HDAC9: variants seen among roughly 807,000 people sequenced by gnomAD.
HDAC9 encodes histone deacetylase 9.
In HDAC9, 41 loss-of-function variants were observed where a neutral mutation model predicts 139.4. The observed-to-expected ratio is 0.29, with a 90% CI of 0.23 to 0.38. The LOEUF is 0.38. HDAC9 is among the 10% of genes least tolerant of loss of function. The probability of loss-of-function intolerance (pLI) is 1.00; values close to 1 mark genes in which losing one functional copy is unlikely to be tolerated. For synonymous variants in HDAC9, 517 were observed against 476.2 expected (o/e 1.09, Z -1.12); for missense variants, 1,147 against 1,297.0 (o/e 0.88, Z 1.78).
intron 2 of HDAC9, among the ~76,000 whole-genome samples, chr7:18,546,177 T>C (rs1240010924): frequency 6.6e-6 from 1 of 152,190 alleles, no homozygotes; most frequent in African/African-American, 2.4e-5. Flanking sequence ...TGGAAAGAGA[T>C]GTTCTTTTTA....
chr7:18,165,584 C>T (rs1211020648), intron 2 of HDAC9, among the ~76,000 whole-genome samples: 1 of 151,900 alleles, frequency 6.6e-6, no homozygotes. Context: ...CCCCGGGGTT[C>T]GAGACTAGCC....
At chr7:18,750,406 C>CGTGT (rs1554345306) in intron 14 of HDAC9, among the ~76,000 whole-genome samples, 1 of 151,762 alleles carries the variant, frequency 6.6e-6, no homozygotes, top group East Asian at 1.9e-4. Flanking sequence ...ACCACAACAC[C>CGTGT]ATGTACAGAT....
At chr7:18,966,597 A>G (rs189480713) in intron 24 of HDAC9, among the ~76,000 whole-genome samples, 19 of 152,264 alleles carry the variant, frequency 1.2e-4, no homozygotes, top group Admixed American at 1.2e-3. Context: ...GCTACTCACG[A>G]GGCTGAGGCA....
intron 2 of HDAC9, among the ~76,000 whole-genome samples, chr7:18,228,305 T>C (rs1253820668): frequency 6.6e-6 from 1 of 151,954 alleles, no homozygotes; most frequent in Non-Finnish European, 1.5e-5. Flanking sequence ...CTTTTTTTTT[T>C]TTAATAAAGC....
intron 1 of HDAC9, among the ~76,000 whole-genome samples, chr7:18,388,963 G>A (rs761071699): frequency 8.6e-5 from 13 of 151,846 alleles, no homozygotes; most frequent in African/African-American, 1.9e-4. Flanking sequence ...TTTTCTTGTC[G>A]TACCTTGCAG....
chr7:18,159,511 A>G (rs1787468478), intron 1 of HDAC9, among the ~76,000 whole-genome samples: 2 of 152,182 alleles, frequency 1.3e-5, no homozygotes, highest in East Asian at 1.9e-4. Flanking sequence ...TTATATATCA[A>G]TTTTGTCCCT....
chr7:18,690,405 C>G (rs1782588506), intron 12 of HDAC9, among the ~76,000 whole-genome samples: 1 of 151,946 alleles, frequency 6.6e-6, no homozygotes, highest in Admixed American at 6.6e-5. Context: ...AACTTTGACT[C>G]TCCTTTGCAG....
intron 1 of HDAC9, among the ~76,000 whole-genome samples, chr7:18,353,185 A>G (rs1371096147): frequency 6.6e-6 from 1 of 152,168 alleles, no homozygotes; most frequent in Non-Finnish European, 1.5e-5. Context: ...TTTCTTCAGC[A>G]CTATCTAGCT....
At chr7:18,541,643 T>A (rs1338316611) in intron 2 of HDAC9, among the ~76,000 whole-genome samples, 1 of 152,172 alleles carries the variant, frequency 6.6e-6, no homozygotes, top group South Asian at 2.1e-4. Context: ...TAGAAATATT[T>A]TTGTTGGAAC....
At chr7:18,643,093 A>G (rs1786239565) in intron 8 of HDAC9, among the ~76,000 whole-genome samples, 1 of 152,090 alleles carries the variant, frequency 6.6e-6, no homozygotes, top group Admixed American at 6.6e-5. Context: ...AAATATTTTT[A>G]CTTCCTTATA....
chr7:18,994,830 C>T (rs1786328923), intron 25 of HDAC9, among the ~76,000 whole-genome samples: 2 of 152,100 alleles, frequency 1.3e-5, no homozygotes, highest in Non-Finnish European at 2.9e-5. Context: ...TTAAACATAG[C>T]ATGTTTTCCT....
intron 1 of HDAC9, among the ~76,000 whole-genome samples, chr7:18,373,767 T>G (rs1784768184): frequency 6.6e-6 from 1 of 152,112 alleles, no homozygotes; most frequent in African/African-American, 2.4e-5. Flanking sequence ...TTAGGTTGCT[T>G]TGATATTTTG....
At chr7:18,994,312 A>G (rs1324319414) in intron 25 of HDAC9, among the ~76,000 whole-genome samples, 2 of 152,236 alleles carry the variant, frequency 1.3e-5, no homozygotes, top group Non-Finnish European at 2.9e-5. Context: ...ATATTCTCAG[A>G]TGTAAATAAG....
At chr7:18,171,324 A>G (rs967242882) in intron 2 of HDAC9, among the ~76,000 whole-genome samples, 10 of 152,196 alleles carry the variant, frequency 6.6e-5, no homozygotes, top group Non-Finnish European at 1.0e-4. Flanking sequence ...GAAGTTGCTT[A>G]TCAGCTTAAG....
chr7:18,123,400 A>G (rs1487765672), intron 1 of HDAC9, among the ~76,000 whole-genome samples: 3 of 152,222 alleles, frequency 2.0e-5, no homozygotes, highest in Non-Finnish European at 4.4e-5. Context: ...ACAGAGTCGT[A>G]TGAAATTTGA....
chr7:18,719,942 A>G (rs1293498853), intron 12 of HDAC9, among the ~76,000 whole-genome samples: 1 of 152,188 alleles, frequency 6.6e-6, no homozygotes, highest in Non-Finnish European at 1.5e-5. Flanking sequence ...GTTGAAAATC[A>G]ATTCATCGTA....
chr7:18,558,580 A>C (rs1298084172), intron 2 of HDAC9, among the ~76,000 whole-genome samples: 1 of 152,140 alleles, frequency 6.6e-6, no homozygotes, highest in South Asian at 2.1e-4. Context: ...TAGTCCCTCT[A>C]TTGTAACATT....
chr7:18,999,790 A>G lies in HDAC9; in HGVS notation c.*3728A>G, dbSNP rs1349078587. On this transcript the variant is annotated 3_prime_UTR_variant, in exon 26 of 26. Coordinates refer to ENST00000686413, the MANE Select transcript of HDAC9 (RefSeq NM_178425.4). Reference sequence around the variant, plus strand: ...TATGTTTAGAAGAATTAATTTAAATATTTCTTACTATTTCTCTGTCGAATG... The same window carrying G: ...TATGTTTAGAAGAATTAATTTAAATGTTTCTTACTATTTCTCTGTCGAATG... 8 of 152,126 alleles carry G rather than the reference A, an allele frequency of 5.3e-5. No homozygotes were observed. Among genetic ancestry groups the G allele is most frequent in the Admixed American group, 2.0e-4 (3 of 15,270 alleles). 9.4% of individuals were successfully genotyped at this position (152,126 alleles called of 1,614,324 possible). A position where few individuals can be genotyped will look rare whatever the true frequency, so the allele number is the denominator to read the frequency against.
At chr7:18,242,580 A>G (rs1381934569) in intron 2 of HDAC9, among the ~76,000 whole-genome samples, 3 of 152,184 alleles carry the variant, frequency 2.0e-5, no homozygotes, top group Admixed American at 2.0e-4. Flanking sequence ...GCATATATTT[A>G]TGCCATTCTC....
Sources: allele counts gnomAD v4.1 joint callset (sites outside exome capture counted in the v4.1 genomes callset), GRCh38; gene constraint gnomAD v4.1.1; transcripts MANE v1.5; gene names NCBI Gene and HGNC (gene_info 2026-07-23, HGNC 2026-07-21).